Variants in PRKG1 observed in about 807,000 individuals in gnomAD.
The protein encoded by PRKG1 is protein kinase cGMP-dependent 1.
Under a neutral mutation model 88.1 loss-of-function variants are expected in PRKG1, and 35 were observed. That is an observed-to-expected ratio of 0.40 (90% CI 0.30 to 0.53). The LOEUF (loss-of-function observed/expected upper bound fraction) is 0.53, where lower values mean the gene tolerates loss of function less well. Ranked by LOEUF, PRKG1 falls within the 20% of genes least tolerant of loss-of-function variation. The pLI is 0.59. For missense variants in PRKG1, 540 were observed against 839.8 expected, an observed-to-expected ratio of 0.64 and a Z score of 4.41; for synonymous variants, 303 against 292.5, an observed-to-expected ratio of 1.04 and a Z score of -0.37.
In PRKG1 at chr10:51,156,314, A is replaced by ACACACACACACAC. The variant is rs60689292; in HGVS notation, c.478+2984_478+2985insCACACACACACAC. On this transcript the variant is annotated intron_variant, in intron 2 of 17. Coordinates refer to ENST00000373980, the MANE Select transcript of PRKG1 (RefSeq NM_006258.4). ...TGATGCAAGCACACACACACACACA[A>ACACACACACACAC]ACACACACACCCGAATGTAACAAAA... Among the ~76,000 whole-genome samples the ACACACACACACAC allele has an allele frequency of 9.9e-4, 145 of 147,124 alleles. 2 individuals carry two copies. The highest frequency in any genetic ancestry group is 2.2e-3 in the African/African-American group (87 of 39,508).
At chr10:51,413,228 T>C (rs1253476665) in intron 2 of PRKG1, among the ~76,000 whole-genome samples, 1 of 152,214 alleles carries the variant, frequency 6.6e-6, no homozygotes, top group Non-Finnish European at 1.5e-5. Context: ...ACTGGTTTTT[T>C]ATTGTTGTTA....
intron 2 of PRKG1, among the ~76,000 whole-genome samples, chr10:51,254,062 C>T (rs565799653): frequency 2.0e-5 from 3 of 151,716 alleles, no homozygotes; most frequent in African/African-American, 4.8e-5. Flanking sequence ...CAAATAAAAG[C>T]GATGTAAGAT....
intron 8 of PRKG1, among the ~76,000 whole-genome samples, chr10:52,150,520 T>C (rs7902837): frequency 0.41 from 61,804 of 152,040 alleles, 14,874 homozygotes; most frequent in Non-Finnish European, 0.53. Flanking sequence ...AATTTTTATA[T>C]TGCTAAGTTA....
intron 2 of PRKG1, among the ~76,000 whole-genome samples, chr10:51,457,876 G>A (rs1839631519): frequency 6.6e-6 from 1 of 152,064 alleles, no homozygotes; most frequent in Non-Finnish European, 1.5e-5. Context: ...AATGGTGCTG[G>A]AGGACAAAGG....
chr10:51,748,113 C>T (rs10999234), intron 3 of PRKG1, among the ~76,000 whole-genome samples: 72,054 of 151,972 alleles, frequency 0.47, 17,722 homozygotes, highest in Middle Eastern at 0.62. Context: ...GATTATTCAC[C>T]TGGGAAAAAT....
At chr10:51,927,616 C>CAGGATAA (rs1842607452) in intron 5 of PRKG1, among the ~76,000 whole-genome samples, 7 of 152,034 alleles carry the variant, frequency 4.6e-5, no homozygotes, top group Non-Finnish European at 1.5e-5. Flanking sequence ...GCTATAGAGT[C>CAGGATAA]CCACTTTATT....
At chr10:52,245,294 G>A (rs1354887968) in intron 9 of PRKG1, among the ~76,000 whole-genome samples, 1 of 151,828 alleles carries the variant, frequency 6.6e-6, no homozygotes, top group Non-Finnish European at 1.5e-5. Context: ...AGGATTTCTG[G>A]GCATTTATCT....
Position 51,335,349 on chromosome 10 carries a change from T to C in PRKG1, c.479-132374T>C, listed in dbSNP as rs144002669. ...TTTGTATATTTTAGTTCTGTTGTTT[T>C]TGACACATTATATGAAAGGAGGTTT... is the stretch of plus-strand genomic sequence containing the variant. On this transcript the variant is annotated intron_variant, in intron 2 of 17. Transcript: ENST00000373980. Among the ~76,000 whole-genome samples, 7 of 152,300 alleles carry C rather than the reference T, an allele frequency of 4.6e-5. No individual in the cohort carries two copies. In the East Asian group the frequency reaches 1.3e-3, roughly 29 times the overall value.
intron 3 of PRKG1, among the ~76,000 whole-genome samples, chr10:51,794,053 C>T (rs762349229): frequency 1.2e-4 from 18 of 151,974 alleles, no homozygotes; most frequent in Non-Finnish European, 2.1e-4. Context: ...CATGAGCCAC[C>T]GTGCCTGGCC....
At chr10:52,227,015 A>G (rs1455875785) in intron 9 of PRKG1, among the ~76,000 whole-genome samples, 12 of 152,180 alleles carry the variant, frequency 7.9e-5, no homozygotes, top group Non-Finnish European at 1.6e-4. Flanking sequence ...TGGAATAAAA[A>G]TGTAATTGGA....
intron 2 of PRKG1, among the ~76,000 whole-genome samples, chr10:51,230,433 A>G (rs191185893): frequency 9.7e-4 from 148 of 152,366 alleles, no homozygotes; most frequent in African/African-American, 3.3e-3. Context: ...TTTTTACCAA[A>G]AAGATGTAGC....
intron 2 of PRKG1, among the ~76,000 whole-genome samples, chr10:51,416,411 G>A (rs1030079321): frequency 4.6e-5 from 7 of 151,962 alleles, no homozygotes; most frequent in African/African-American, 7.3e-5. Flanking sequence ...AAAACTTCTG[G>A]ATCTTGATCA....
intron 2 of PRKG1, among the ~76,000 whole-genome samples, chr10:51,325,807 C>T (rs531677850): frequency 9.9e-5 from 15 of 152,218 alleles, no homozygotes; most frequent in South Asian, 2.1e-4. Flanking sequence ...AAGACCTGGT[C>T]CCCCAGTGTT....
chr10:51,348,283 T>C (rs1235267884), intron 2 of PRKG1, among the ~76,000 whole-genome samples: 1 of 152,192 alleles, frequency 6.6e-6, no homozygotes, highest in Non-Finnish European at 1.5e-5. Flanking sequence ...GCAATCATCC[T>C]TTTCTCTGTT....
chr10:51,563,333 T>C (rs1837519425), intron 3 of PRKG1, among the ~76,000 whole-genome samples: 1 of 152,146 alleles, frequency 6.6e-6, no homozygotes, highest in African/African-American at 2.4e-5. Flanking sequence ...TGATAAATGT[T>C]TGAGATATTG....
At chr10:51,817,349 C>A (rs536518060) in intron 4 of PRKG1, among the ~76,000 whole-genome samples, 1,518 of 142,738 alleles carry the variant, frequency 0.011, 37 homozygotes, top group African/African-American at 0.035. Context: ...CCTCCCCAAC[C>A]CCCCCCCTCC....
intron 8 of PRKG1, among the ~76,000 whole-genome samples, chr10:52,150,174 A>ATTATTATT (rs1554810270): frequency 0.026 from 2,690 of 104,856 alleles, 96 homozygotes; most frequent in African/African-American, 0.087. Flanking sequence ...TAATAATAAT[A>ATTATTATT]ATAATAATAA....
chr10:51,367,751 T>C (rs1427260526), intron 2 of PRKG1, among the ~76,000 whole-genome samples: 1 of 152,012 alleles, frequency 6.6e-6, no homozygotes. Context: ...TAATATATGA[T>C]TAATACAGCA....
intron 5 of PRKG1, among the ~76,000 whole-genome samples, chr10:51,954,014 A>T (rs1232585425): frequency 6.6e-6 from 1 of 152,116 alleles, no homozygotes; most frequent in African/African-American, 2.4e-5. Flanking sequence ...CTAATTATTA[A>T]AGATTTACTA....
Sources: gnomAD v4.1 joint callset for allele counts (sites outside exome capture counted in the v4.1 genomes callset) on GRCh38, gnomAD v4.1.1 for gene constraint, MANE v1.5 for transcripts, NCBI Gene and HGNC (gene_info 2026-07-23, HGNC 2026-07-21) for gene names.